Variants in SHQ1 observed in about 807,000 individuals in gnomAD.
SHQ1 encodes SHQ1, H/ACA ribonucleoprotein assembly factor.
A neutral mutation model predicts 53.8 loss-of-function variants in SHQ1; 49 were observed. The observed-to-expected ratio is 0.91, with a 90% CI of 0.72 to 1.16. The LOEUF (loss-of-function observed/expected upper bound fraction) is 1.16, where lower values mean the gene tolerates loss of function less well. Ranked by LOEUF, SHQ1 falls within the 50% of genes most tolerant of loss-of-function variation. The pLI is 0.00. For missense variants in SHQ1, 738 were observed against 683.1 expected, an observed-to-expected ratio of 1.08 and a Z score of -0.90; for synonymous variants, 243 against 251.0, an observed-to-expected ratio of 0.97 and a Z score of 0.30.
chr3:72,789,164 C>T (rs987904786), intron 10 of SHQ1, among the ~76,000 whole-genome samples: 1 of 150,282 alleles, frequency 6.7e-6, no homozygotes, highest in Non-Finnish European at 1.5e-5. Context: ...TATCAAAATA[C>T]TAATATTGGT....
At chr3:72,804,297 G>C (rs1384388879) in intron 9 of SHQ1, among the ~76,000 whole-genome samples, 1 of 151,726 alleles carries the variant, frequency 6.6e-6, no homozygotes, top group Non-Finnish European at 1.5e-5. Flanking sequence ...TTTTTGTTTT[G>C]AACTTTTAAG....
At chr3:72,812,536 C>A in intron 9 of SHQ1, 135 bp downstream of exon 9, 1 of 923,576 alleles carries the variant, frequency 1.1e-6, no homozygotes, top group Non-Finnish European at 1.6e-6. Flanking sequence ...GAATTCTATA[C>A]TTTAAAAGTG....
the SHQ1 span, among the ~76,000 whole-genome samples, chr3:72,731,697 A>AG: frequency 5.5e-3 from 834 of 151,654 alleles, 26 homozygotes; most frequent in African/African-American, 0.019. Flanking sequence ...CAAAAAAAAA[A>AG]AAAAGAAATT....
chr3:72,739,965 G>C, the SHQ1 span, among the ~76,000 whole-genome samples: 1 of 152,162 alleles, frequency 6.6e-6, no homozygotes, highest in Admixed American at 6.5e-5. Context: ...TGGCCTTAGC[G>C]CAAACACTGG....
intron 10 of SHQ1, among the ~76,000 whole-genome samples, chr3:72,756,574 T>C (rs1349778721): frequency 6.6e-6 from 1 of 152,308 alleles, no homozygotes; most frequent in Admixed American, 6.5e-5. Context: ...CCACCATGCC[T>C]GGCTAGTTAC....
intron 10 of SHQ1, among the ~76,000 whole-genome samples, chr3:72,792,024 T>C (rs999576733): frequency 1.3e-5 from 2 of 152,234 alleles, no homozygotes; most frequent in African/African-American, 4.8e-5. Context: ...TTTTAAAAAT[T>C]TTTATATACC....
At chr3:72,842,437 A>G (rs1434433187) in intron 2 of SHQ1, 35 bp from the exon 3 acceptor site, 3 of 1,596,502 alleles carry the variant, frequency 1.9e-6, no homozygotes, top group Non-Finnish European at 2.6e-6. Context: ...TTAGATTAAA[A>G]TATTTAAAAA....
At chr3:72,814,461 C>A (rs564414987) in intron 8 of SHQ1, 1 of 152,306 alleles carries the variant, frequency 6.6e-6, no homozygotes, top group South Asian at 2.1e-4. Context: ...GAGCTCCCAG[C>A]TGAAGCTGCT....
Position 72,817,296 on chromosome 3 carries a change from G to C in SHQ1, c.816C>G (p.Cys272Trp). The change falls in exon 7 of 11, where the codon TGC becomes TGG. Residue 272 changes from cysteine (C) to tryptophan (W), a missense_variant. Physicochemically the swap from Cys to Trp is radical, Grantham distance 215 (BLOSUM62 -2). Coordinates refer to ENST00000325599, the MANE Select transcript of SHQ1 (RefSeq NM_018130.3). Reference protein sequence around the residue: ...LLDKRACRQVCYSLIDILLAY... With the variant: ...LLDKRACRQVWYSLIDILLAY... The stretch of plus-strand genomic sequence containing the variant: ...CCAGAAGGATATCAATCAAACTGTA[G>C]CACACTTGACGACAGGCTCTCTTGT... The C allele has an allele frequency of 6.2e-7, 1 of 1,613,860 alleles. No homozygotes were observed. The highest frequency in any genetic ancestry group is 8.5e-7 in the Non-Finnish European group (1 of 1,179,806).
At chr3:72,730,776 G>A in the SHQ1 span, among the ~76,000 whole-genome samples, 200 of 152,272 alleles carry the variant, frequency 1.3e-3, no homozygotes, top group Middle Eastern at 0.024. Flanking sequence ...AATGTCAAAT[G>A]TGTCAATCTC....
chr3:72,786,599 T>C (rs148279456), intron 10 of SHQ1, among the ~76,000 whole-genome samples: 124 of 152,328 alleles, frequency 8.1e-4, no homozygotes, highest in African/African-American at 2.8e-3. Context: ...ACTCTTCCTC[T>C]GGAAGCCTTT....
chr3:72,847,698 G>A lies in SHQ1; in HGVS notation c.143+500C>T, dbSNP rs114110006. 6.4e-3 allele frequency among the ~76,000 whole-genome samples: 967 copies of A among 152,214 alleles called. 15 individuals are homozygous for A. Among genetic ancestry groups the A allele is most frequent in the African/African-American group, 0.022 (906 of 41,524 alleles). The stretch of plus-strand genomic sequence containing the variant: ...GAGAACTAGGCTAATTTGGTGTCAA[G>A]AGGTCCAAAAAAGGTAAGAATTTCG... On this transcript the variant is annotated intron_variant, in intron 1 of 10. Coordinates refer to ENST00000325599, the MANE Select transcript of SHQ1 (RefSeq NM_018130.3).
At chr3:72,842,431 A>T in intron 2 of SHQ1, 29 bp from the exon 3 acceptor site, 1 of 1,603,432 alleles carries the variant, frequency 6.2e-7, no homozygotes, top group African/African-American at 1.3e-5. Context: ...TTATGCTTAG[A>T]TTAAAATATT....
the SHQ1 span, among the ~76,000 whole-genome samples, chr3:72,738,515 C>T: frequency 6.6e-6 from 1 of 152,054 alleles, no homozygotes; most frequent in Non-Finnish European, 1.5e-5. Context: ...GGATCTGCTT[C>T]GCGCCAATTT....
At chr3:72,794,595 C>T (rs1706545744) in intron 9 of SHQ1, 1 of 152,166 alleles carries the variant, frequency 6.6e-6, no homozygotes, top group Non-Finnish European at 1.5e-5. Context: ...TCTCATGCCT[C>T]GATTTTAAGA....
At chr3:72,838,857 A>G (rs1559699359) in intron 4 of SHQ1, among the ~76,000 whole-genome samples, 3 of 152,026 alleles carry the variant, frequency 2.0e-5, no homozygotes, top group Admixed American at 6.6e-5. Context: ...GGAGTCAACT[A>G]TATTGGTTAA....
intron 9 of SHQ1, among the ~76,000 whole-genome samples, chr3:72,795,843 G>A (rs1426549012): frequency 3.3e-5 from 5 of 152,118 alleles, no homozygotes; most frequent in African/African-American, 7.2e-5. Flanking sequence ...GGTGGCTCAC[G>A]CCTGTAATCC....
the SHQ1 span, among the ~76,000 whole-genome samples, chr3:72,739,265 G>GC: frequency 1.3e-5 from 2 of 150,602 alleles, no homozygotes; most frequent in Non-Finnish European, 3.0e-5. Flanking sequence ...CGCCCCTCCC[G>GC]CCCCCAGTAC....
chr3:72,820,997 C>G (rs1018831222), intron 6 of SHQ1, among the ~76,000 whole-genome samples: 2 of 152,158 alleles, frequency 1.3e-5, no homozygotes, highest in African/African-American at 4.8e-5. Flanking sequence ...CTCTAAATCC[C>G]CCTCCCAAAC....
Sources: allele counts gnomAD v4.1 joint callset (sites outside exome capture counted in the v4.1 genomes callset), GRCh38; gene constraint gnomAD v4.1.1; transcripts MANE v1.5; gene names NCBI Gene and HGNC (gene_info 2026-07-23, HGNC 2026-07-21).